The following VPS13A variants were observed in gnomAD, a reference collection of about 807,000 sequenced individuals.
VPS13A encodes intermembrane lipid transfer protein VPS13A.
In VPS13A, 264 loss-of-function variants were observed where a neutral mutation model predicts 390.9. The ratio of observed to expected loss-of-function variants is 0.68; its 90% CI spans 0.61 to 0.75. VPS13A has a LOEUF of 0.75. Among genes scored for constraint, VPS13A ranks in the 30% least tolerant of loss-of-function variants. The pLI is 0.00. For synonymous variants in VPS13A, 1,231 were observed against 1,227.1 expected (o/e 1.00, Z -0.07); for missense variants, 3,409 against 3,733.9 (o/e 0.91, Z 2.27).
chr9:77,340,059 A>G, intron 48 of VPS13A, 119 bp from the exon 49 acceptor site: 2 of 1,334,534 alleles, frequency 1.5e-6, no homozygotes, highest in East Asian at 2.4e-5. Flanking sequence ...TTAATATTAT[A>G]AAGGTTTAGT....
chr9:77,370,479 C>T lies in VPS13A; in HGVS notation c.8808C>T (p.Thr2936=), dbSNP rs1275681201. Residue 2936 remains threonine, a synonymous_variant, in exon 65 of 72, where the codon ACC becomes ACT. Transcript: ENST00000360280. ...GAMAKGVAAM[T]MDEDYQQKRR... ...TGGCTAAGGGGGTAGCAGCTATGAC[C>T]ATGGATGAAGACTACCAACAGAAGA... 2.5e-6 allele frequency: 4 copies of T among 1,613,964 alleles called. No homozygotes were observed. The South Asian group carries it at 3.3e-5, about 13-fold the overall frequency.
intron 19 of VPS13A, among the ~76,000 whole-genome samples, chr9:77,240,146 ATT>A (rs779179934): frequency 1.8e-5 from 2 of 109,010 alleles, no homozygotes. Flanking sequence ...TTGGAAGTTC[ATT>A]TTTTTTTTTT....
chr9:77,355,798 T>G (rs1036138437), intron 54 of VPS13A, among the ~76,000 whole-genome samples: 2 of 152,220 alleles, frequency 1.3e-5, no homozygotes, highest in Admixed American at 6.5e-5. Flanking sequence ...CAAGAAGATC[T>G]GTGCTGGTTC....
chr9:77,316,439 T>C (rs1302172166), intron 39 of VPS13A, 33 bp downstream of exon 39: 1 of 1,583,206 alleles, frequency 6.3e-7, no homozygotes, highest in African/African-American at 1.3e-5. Flanking sequence ...TGCTTAATTG[T>C]AACTATTTTG....
intron 5 of VPS13A, among the ~76,000 whole-genome samples, chr9:77,207,241 A>ACGTG (rs1455995422): frequency 9.0e-6 from 1 of 110,884 alleles, no homozygotes; most frequent in Non-Finnish European, 1.9e-5. Context: ...ATATATATAT[A>ACGTG]TATATATATA....
At position 77,366,751 on chromosome 9, in the gene VPS13A, T is replaced by C; in HGVS notation, c.8350T>C (p.Ser2784Pro). 6.2e-7 allele frequency: 1 copy of C among 1,612,960 alleles called. No individual in the cohort carries two copies. The highest frequency in any genetic ancestry group is 1.3e-5 in the African/African-American group (1 of 75,030). Residue 2784 changes from serine to proline, a missense_variant, in exon 61 of 72, where the codon TCC becomes CCC. Physicochemically the swap from Ser to Pro is moderately conservative, Grantham distance 74. Transcript: ENST00000360280. ...IKLHLSVSLS[S>P]GREEAKDSKQ... ...GTTACATTTAAGTGTTTCACTGAGT[T>C]CCGGCAGAGAAGAAGCTAAAGATTC...
intron 52 of VPS13A, among the ~76,000 whole-genome samples, chr9:77,349,902 C>T (rs1337882603): frequency 2.6e-5 from 4 of 152,108 alleles, no homozygotes; most frequent in Non-Finnish European, 4.4e-5. Context: ...CCTCGACCTC[C>T]GAAAGTGCTG....
intron 52 of VPS13A, among the ~76,000 whole-genome samples, chr9:77,349,704 C>T (rs535319170): frequency 1.3e-5 from 2 of 152,040 alleles, no homozygotes; most frequent in Admixed American, 1.3e-4. Flanking sequence ...AGTGCAGAGG[C>T]GCGATCTCAG....
In VPS13A at chr9:77,357,681, A is replaced by G. The variant is rs746699398; in HGVS notation, c.7807-11A>G. The G allele has an allele frequency of 6.2e-7, 1 of 1,613,306 alleles. No individual in the cohort carries two copies. Among genetic ancestry groups the G allele is most frequent in the South Asian group, 1.1e-5 (1 of 90,942 alleles). On this transcript the variant is annotated splice_polypyrimidine_tract_variant and intron_variant, in intron 55 of 71. Transcript: ENST00000360280. ...AATTAATTTTTTCATTTGGGGGGACATATTTTTCAGGTTCGCCTAACCCCT... is the reference window on the plus strand; with the variant it reads ...AATTAATTTTTTCATTTGGGGGGACGTATTTTTCAGGTTCGCCTAACCCCT...
chr9:77,237,663 C>G (rs1428453857), intron 17 of VPS13A, among the ~76,000 whole-genome samples: 1 of 152,124 alleles, frequency 6.6e-6, no homozygotes, highest in Non-Finnish European at 1.5e-5. Flanking sequence ...CATGTCTGGC[C>G]TTTAAATGTT....
intron 26 of VPS13A, among the ~76,000 whole-genome samples, chr9:77,277,973 C>G (rs1480047811): frequency 6.6e-6 from 1 of 152,174 alleles, no homozygotes; most frequent in Admixed American, 6.5e-5. Flanking sequence ...ACAGTTTGCT[C>G]TAGTAATTGG....
At chr9:77,340,019 T>G in intron 48 of VPS13A, 108 bp downstream of exon 48, 1 of 1,454,708 alleles carries the variant, frequency 6.9e-7, no homozygotes, top group Non-Finnish European at 9.4e-7. Context: ...AAATAACTTG[T>G]TAAATATTTG....
intron 38 of VPS13A, among the ~76,000 whole-genome samples, chr9:77,315,878 A>G (rs1829352949): frequency 6.6e-6 from 1 of 151,976 alleles, no homozygotes; most frequent in Non-Finnish European, 1.5e-5. Context: ...TTTCTCTATT[A>G]TCTTTTTATA....
intron 42 of VPS13A, among the ~76,000 whole-genome samples, chr9:77,320,427 C>T (rs986857583): frequency 3.3e-5 from 5 of 151,992 alleles, no homozygotes; most frequent in African/African-American, 9.7e-5. Flanking sequence ...TCATGAGAAT[C>T]GGGGCCTTTA....
At chr9:77,317,529 A>G (rs1354783124) in intron 39 of VPS13A, 77 bp from the exon 40 acceptor site, 2 of 1,105,544 alleles carry the variant, frequency 1.8e-6, no homozygotes, top group African/African-American at 1.6e-5. Flanking sequence ...TGACATACCT[A>G]TTACTAGGAA....
chr9:77,224,736 A>G (rs923662331), intron 13 of VPS13A, among the ~76,000 whole-genome samples: 4 of 152,212 alleles, frequency 2.6e-5, no homozygotes, highest in African/African-American at 9.6e-5. Context: ...AATTTACATA[A>G]AATTAGTTGA....
intron 34 of VPS13A, among the ~76,000 whole-genome samples, chr9:77,306,401 AGTGTGTGTGTGTTTGTGTGTGT>A (rs1346436151): frequency 5.6e-5 from 6 of 107,788 alleles, no homozygotes; most frequent in Middle Eastern, 9.3e-3. Flanking sequence ...AGAGAGAGAG[AGTGTGTGTGTGTTTGTGTGTGT>A]GTGTGTGTGT....
At chr9:77,376,318 TAAGA>T (rs1833075240) in intron 67 of VPS13A, among the ~76,000 whole-genome samples, 1 of 152,076 alleles carries the variant, frequency 6.6e-6, no homozygotes, top group East Asian at 1.9e-4. Flanking sequence ...GGCTTTTGCT[TAAGA>T]TGAGAGGCCA....
intron 34 of VPS13A, among the ~76,000 whole-genome samples, chr9:77,304,903 A>G (rs1828625446): frequency 6.6e-6 from 1 of 151,002 alleles, no homozygotes; most frequent in Non-Finnish European, 1.5e-5. Flanking sequence ...TTTATTGATT[A>G]TGAGAAAACC....
Sources: allele counts gnomAD v4.1 joint callset (sites outside exome capture counted in the v4.1 genomes callset), GRCh38; gene constraint gnomAD v4.1.1; transcripts MANE v1.5; gene names NCBI Gene and HGNC (gene_info 2026-07-23, HGNC 2026-07-21).